Variants in GAS2 observed in about 807,000 individuals in gnomAD.
The protein encoded by GAS2 is growth arrest specific 2.
Under a neutral mutation model 37.5 loss-of-function variants are expected in GAS2, and 20 were observed. That is an observed-to-expected ratio of 0.53 (90% CI 0.37 to 0.77). The LOEUF (loss-of-function observed/expected upper bound fraction) is 0.77, where lower values mean the gene tolerates loss of function less well. Ranked by LOEUF, GAS2 falls within the 30% of genes least tolerant of loss-of-function variation. GAS2 has a pLI of 0.00. For synonymous variants in GAS2, 144 were observed against 132.2 expected, an observed-to-expected ratio of 1.09 and a Z score of -0.61; for missense variants, 336 against 373.4, an observed-to-expected ratio of 0.90 and a Z score of 0.82.
intron 7 of GAS2, among the ~76,000 whole-genome samples, chr11:22,769,616 G>T (rs993605037): frequency 6.6e-5 from 10 of 152,176 alleles, no homozygotes; most frequent in Non-Finnish European, 1.3e-4. Context: ...TCTAATCATG[G>T]GAGGGGAAAC....
intron 1 of GAS2, among the ~76,000 whole-genome samples, chr11:22,673,956 AAAG>A (rs1849307634): frequency 2.6e-5 from 4 of 152,230 alleles, no homozygotes; most frequent in Admixed American, 2.0e-4. Context: ...AATAAAGTGG[AAAG>A]ATAAAAAACA....
rs190640442 is a variant in GAS2 at position 22,752,076 on chromosome 11, C to A, written c.615+2815C>A. Reference sequence around the variant, plus strand: ...AGCTAGAATATTATGTTTCACAAGTCTTTAAAATGGCATTTTTCAATCAAT... The same window carrying A: ...AGCTAGAATATTATGTTTCACAAGTATTTAAAATGGCATTTTTCAATCAAT... On this transcript the variant is annotated intron_variant, in intron 6 of 7. Coordinates refer to ENST00000454584, the MANE Select transcript of GAS2 (RefSeq NM_001143830.3). Among the ~76,000 whole-genome samples, 5 of 152,136 alleles carry A rather than the reference C, an allele frequency of 3.3e-5. No individual in the cohort carries two copies. The East Asian group carries it at 9.6e-4, about 29-fold the overall frequency.
Position 22,685,740 on chromosome 11 carries a change from C to T in GAS2, c.218C>T (p.Thr73Ile). The T allele has an allele frequency of 6.2e-7, 1 of 1,613,702 alleles. No individual in the cohort carries two copies. The highest frequency in any genetic ancestry group is 8.5e-7 in the Non-Finnish European group (1 of 1,179,800). Reference protein sequence around the residue: ...NGALLCQLAETMQEKFKESMD... With the variant: ...NGALLCQLAEIMQEKFKESMD... ...GCCTTGCTCTGTCAACTTGCAGAAA[C>T]TATGCAGGAGAAATTCAAGGAGAGC... The change falls in exon 3 of 8, where the codon ACT becomes ATT. Residue 73 changes from threonine to isoleucine, a missense_variant. By Grantham distance (89) the Thr-to-Ile change is moderately conservative (BLOSUM62 -1). Transcript: ENST00000454584.
chr11:22,670,550 C>T (rs962196642), intron 1 of GAS2, among the ~76,000 whole-genome samples: 17 of 151,978 alleles, frequency 1.1e-4, no homozygotes, highest in Admixed American at 7.2e-4. Flanking sequence ...AATTGCTTTC[C>T]GTTTTGGGAT....
At chr11:22,789,457 C>CT (rs71037529) in intron 7 of GAS2, among the ~76,000 whole-genome samples, 11,825 of 31,486 alleles carry the variant, frequency 0.38, 4,015 homozygotes, top group South Asian at 0.62. Context: ...TATATATATT[C>CT]TTTTTTTTTT....
chr11:22,800,109 A>G (rs1325993166), intron 7 of GAS2, among the ~76,000 whole-genome samples: 1 of 152,134 alleles, frequency 6.6e-6, no homozygotes, highest in Non-Finnish European at 1.5e-5. Flanking sequence ...TGCAGTGCAC[A>G]TCCTGAACAG....
intron 1 of GAS2, among the ~76,000 whole-genome samples, chr11:22,658,176 C>G (rs559006661): frequency 1.2e-4 from 19 of 152,234 alleles, no homozygotes; most frequent in Admixed American, 7.2e-4. Flanking sequence ...CAGGTGCCCA[C>G]CACCATGCTC....
chr11:22,763,616 TACACACACACACACACACACACAC>T (rs34715661), intron 7 of GAS2, among the ~76,000 whole-genome samples: 10 of 143,790 alleles, frequency 7.0e-5, no homozygotes, highest in Non-Finnish European at 1.2e-4. Context: ...AAAATACACA[TACACACACACACACACACACACAC>T]ACACACACAC....
At chr11:22,649,542 G>T (rs961011329) in intron 1 of GAS2, among the ~76,000 whole-genome samples, 31 of 152,140 alleles carry the variant, frequency 2.0e-4, no homozygotes, top group African/African-American at 6.0e-4. Context: ...GAATCCATCT[G>T]GTCCTGGACT....
chr11:22,673,108 T>C (rs1327299857), intron 1 of GAS2, among the ~76,000 whole-genome samples: 1 of 152,140 alleles, frequency 6.6e-6, no homozygotes. Context: ...AATGAAATTG[T>C]GCTTTTAAAT....
rs143390352 is a variant in GAS2 at position 22,784,653 on chromosome 11, T to C, written c.724-27145T>C. On this transcript the variant is annotated intron_variant, in intron 7 of 7. Transcript: ENST00000454584. ...GTTTCATAGGTTTTTTACCATCCTA[T>C]GCACATTTATTGTATATGCTCCAAG... Among the ~76,000 whole-genome samples the C allele has an allele frequency of 1.7e-3, 256 of 152,292 alleles. 2 individuals are homozygous for C. The highest frequency in any genetic ancestry group is 5.6e-3 in the African/African-American group (234 of 41,582).
chr11:22,794,832 C>T (rs1856350133), intron 7 of GAS2, among the ~76,000 whole-genome samples: 1 of 152,122 alleles, frequency 6.6e-6, no homozygotes, highest in Non-Finnish European at 1.5e-5. Context: ...TGGCCCCCTA[C>T]ATTTCCCTAG....
intron 4 of GAS2, chr11:22,731,421 C>G: frequency 2.5e-6 from 1 of 406,614 alleles, no homozygotes; most frequent in South Asian, 1.9e-5. Flanking sequence ...GTGTAGCATG[C>G]AAATGTGTGT....
At chr11:22,645,125 A>C (rs749545290) in intron 1 of GAS2, among the ~76,000 whole-genome samples, 12 of 152,214 alleles carry the variant, frequency 7.9e-5, no homozygotes, top group Non-Finnish European at 1.6e-4. Context: ...CATATCATAA[A>C]ATGCCAAGAG....
chr11:22,784,461 T>C (rs562464489), intron 7 of GAS2, among the ~76,000 whole-genome samples: 68 of 152,268 alleles, frequency 4.5e-4, no homozygotes, highest in African/African-American at 1.6e-3. Flanking sequence ...ACACATAGTA[T>C]TGGTTGGCAA....
chr11:22,678,519 A>T (rs1230850324), intron 2 of GAS2, among the ~76,000 whole-genome samples: 3 of 152,098 alleles, frequency 2.0e-5, no homozygotes, highest in Non-Finnish European at 2.9e-5. Flanking sequence ...TGGAATTGAT[A>T]TATCTCCTCT....
chr11:22,728,511 T>C (rs576062747), intron 4 of GAS2, among the ~76,000 whole-genome samples: 1 of 151,490 alleles, frequency 6.6e-6, no homozygotes, highest in South Asian at 2.1e-4. Flanking sequence ...ATTCTGACAT[T>C]ATAAAAAGCC....
intron 3 of GAS2, among the ~76,000 whole-genome samples, chr11:22,686,209 T>C (rs1849938549): frequency 6.6e-6 from 1 of 152,200 alleles, no homozygotes; most frequent in African/African-American, 2.4e-5. Context: ...ATTTTTGGTT[T>C]ATTCTAAATA....
At chr11:22,643,200 A>G (rs1196375128) in intron 1 of GAS2, among the ~76,000 whole-genome samples, 1 of 152,140 alleles carries the variant, frequency 6.6e-6, no homozygotes, top group Non-Finnish European at 1.5e-5. Context: ...AAAGTCTACC[A>G]GACAACATCT....
Sources: allele counts gnomAD v4.1 joint callset (sites outside exome capture counted in the v4.1 genomes callset), GRCh38; gene constraint gnomAD v4.1.1; transcripts MANE v1.5; gene names NCBI Gene and HGNC (gene_info 2026-07-23, HGNC 2026-07-21).